MCF2L2: variants seen among roughly 807,000 people sequenced by gnomAD.
MCF2L2 encodes probable guanine nucleotide exchange factor MCF2L2.
In MCF2L2, 102 loss-of-function variants were observed where a neutral mutation model predicts 150.2. The observed-to-expected ratio is 0.68, with a 90% CI of 0.58 to 0.80. The LOEUF (loss-of-function observed/expected upper bound fraction) is 0.80. MCF2L2 is among the 30% of genes least tolerant of loss of function. MCF2L2 has a pLI of 0.00. For missense variants in MCF2L2, 1,256 were observed against 1,372.8 expected (o/e 0.91, Z 1.34); for synonymous variants, 465 against 491.3 (o/e 0.95, Z 0.71).
intron 15 of MCF2L2, among the ~76,000 whole-genome samples, chr3:183,257,396 CTG>C (rs971803796): frequency 2.0e-5 from 3 of 152,214 alleles, no homozygotes; most frequent in African/African-American, 7.2e-5. Context: ...TGAAACATCT[CTG>C]AAGTCTTTTT....
intron 15 of MCF2L2, among the ~76,000 whole-genome samples, chr3:183,262,686 T>G: frequency 7.2e-6 from 1 of 137,938 alleles, no homozygotes; most frequent in African/African-American, 2.8e-5. Flanking sequence ...CTCCTTTCTC[T>G]AGGAAGCAGA....
At position 183,394,910 on chromosome 3, in the gene MCF2L2, CA is replaced by C. The variant is rs111468384; in HGVS notation, c.77-5132del. Among the ~76,000 whole-genome samples the C allele has an allele frequency of 7.2e-3, 1,091 of 152,306 alleles. 10 individuals carry two copies. Among genetic ancestry groups the C allele is most frequent in the Non-Finnish European group, 9.3e-3 (634 of 68,034 alleles). On this transcript the variant is annotated intron_variant, in intron 1 of 29. Transcript: ENST00000328913. ...AGCATCCTCTTGGAAAGTCGTTTCT[CA>C]ATCTTTTACCTGGTGATTATTGAGC...
intron 15 of MCF2L2, among the ~76,000 whole-genome samples, chr3:183,255,366 T>C (rs1457079283): frequency 6.6e-6 from 1 of 152,250 alleles, no homozygotes; most frequent in Non-Finnish European, 1.5e-5. Flanking sequence ...AGGTGAAAGC[T>C]GCTTTTTGGG....
At chr3:183,377,089 T>C (rs888809611) in intron 3 of MCF2L2, 19 of 152,226 alleles carry the variant, frequency 1.2e-4, no homozygotes, top group Middle Eastern at 3.2e-3. Context: ...GTTTGTTACA[T>C]AGGTATACAT....
chr3:183,338,454 AAAAAAAAAAAAG>A (rs1019807077), intron 5 of MCF2L2, among the ~76,000 whole-genome samples: 2 of 151,378 alleles, frequency 1.3e-5, no homozygotes, highest in African/African-American at 4.8e-5. Flanking sequence ...TCTCAAAAAA[AAAAAAAAAAAAG>A]AAAAAGAAAA....
intron 14 of MCF2L2, among the ~76,000 whole-genome samples, chr3:183,279,141 TCA>T (rs1029691695): frequency 3.3e-5 from 5 of 151,258 alleles, no homozygotes; most frequent in African/African-American, 1.2e-4. Flanking sequence ...TGACCACAAC[TCA>T]CAAGAAGTAC....
In MCF2L2 at chr3:183,283,238, G is replaced by T. The variant is rs1338355268; in HGVS notation, c.1776+5882C>A. On this transcript the variant is annotated intron_variant, in intron 14 of 29. Coordinates refer to ENST00000328913, the MANE Select transcript of MCF2L2 (RefSeq NM_015078.4). This position sits in a 1 kb window ranked among gnomAD's most constrained non-coding sequence, Gnocchi z 4.2. ...TAGCTATTAGTAAGCTCTCACCACT[G>T]ATGTCTCAGCTGACTGTGACAACTG... 1.3e-5 allele frequency among the ~76,000 whole-genome samples: 2 copies of T among 152,156 alleles called. No homozygotes were observed. The highest frequency in any genetic ancestry group is 4.8e-5 in the African/African-American group (2 of 41,434).
chr3:183,338,677 A>G, intron 5 of MCF2L2, 123 bp downstream of exon 5: 1 of 943,948 alleles, frequency 1.1e-6, no homozygotes, highest in Non-Finnish European at 1.5e-6. Flanking sequence ...CGGTTCCCTC[A>G]GCCCAGAGAA....
intron 15 of MCF2L2, among the ~76,000 whole-genome samples, chr3:183,259,852 G>T (rs1448105585): frequency 6.6e-6 from 1 of 152,170 alleles, no homozygotes; most frequent in East Asian, 1.9e-4. Context: ...AGAAGAAGAA[G>T]GAGGGAAAAC....
At position 183,270,550 on chromosome 3, in the gene MCF2L2, A is replaced by T. The variant is rs1726667127; in HGVS notation, c.1862+6322T>A. On this transcript the variant is annotated intron_variant, in intron 15 of 29. Transcript: ENST00000328913. The surrounding 1 kb of genome is among the most constrained non-coding windows in gnomAD (Gnocchi z 4.5). ...ATGTACCAGTGGCCAGCTTACCCTGACTACACAGCCGGAGCTGCCTATGTA... is the reference window on the plus strand; with the variant it reads ...ATGTACCAGTGGCCAGCTTACCCTGTCTACACAGCCGGAGCTGCCTATGTA... 2.5e-6 allele frequency: 4 copies of T among 1,614,014 alleles called. No individual in the cohort carries two copies. The highest frequency in any genetic ancestry group is 1.7e-5 in the Admixed American group (1 of 59,994).
chr3:183,324,825 A>G (rs890812885), intron 5 of MCF2L2, among the ~76,000 whole-genome samples: 2 of 152,104 alleles, frequency 1.3e-5, no homozygotes, highest in Non-Finnish European at 2.9e-5. Context: ...GAACTACTAA[A>G]AAAAAGTGCC....
In MCF2L2 at chr3:183,283,275, T is replaced by C. The variant is rs953627433; in HGVS notation, c.1776+5845A>G. Among the ~76,000 whole-genome samples the C allele has an allele frequency of 6.6e-6, 1 of 152,164 alleles. No homozygotes were observed. The highest frequency in any genetic ancestry group is 1.5e-5 in the Non-Finnish European group (1 of 68,032). ...GACTGTGACAACTGCCAGCGGCTGG[T>C]CAGCCTGCCTGCCTTCATCTAACCT... On this transcript the variant is annotated intron_variant, in intron 14 of 29. Transcript: ENST00000328913. This position sits in a 1 kb window ranked among gnomAD's most constrained non-coding sequence, Gnocchi z 4.2.
chr3:183,325,887 C>G (rs1019446988), intron 5 of MCF2L2, among the ~76,000 whole-genome samples: 1 of 152,156 alleles, frequency 6.6e-6, no homozygotes. Flanking sequence ...AGAGTTAATA[C>G]TGTTAAGTAT....
chr3:183,256,076 C>G (rs1353418876), intron 15 of MCF2L2, among the ~76,000 whole-genome samples: 2 of 152,318 alleles, frequency 1.3e-5, no homozygotes, highest in Non-Finnish European at 2.9e-5. Flanking sequence ...AACAAAATGT[C>G]CCCTATTCAG....
intron 1 of MCF2L2, among the ~76,000 whole-genome samples, chr3:183,406,125 G>A (rs1417623863): frequency 5.9e-5 from 9 of 152,140 alleles, no homozygotes; most frequent in East Asian, 3.9e-4. Flanking sequence ...TTACTGAGTC[G>A]TATATTAAAT....
intron 15 of MCF2L2, among the ~76,000 whole-genome samples, chr3:183,263,974 G>GTCC (rs1725859021): frequency 6.6e-6 from 1 of 152,086 alleles, no homozygotes; most frequent in Non-Finnish European, 1.5e-5. Context: ...CGGCATCAGT[G>GTCC]TGAGCCCTTG....
At chr3:183,420,412 C>A (rs893069056) in intron 1 of MCF2L2, among the ~76,000 whole-genome samples, 1 of 152,036 alleles carries the variant, frequency 6.6e-6, no homozygotes, top group African/African-American at 2.4e-5. Context: ...CCAGCCTGAC[C>A]AATATGGTGA....
chr3:183,254,948 T>G (rs1440020591), intron 15 of MCF2L2, among the ~76,000 whole-genome samples: 6 of 152,228 alleles, frequency 3.9e-5, no homozygotes, highest in Non-Finnish European at 8.8e-5. Flanking sequence ...GTAACAGTTT[T>G]CAACTCGACT....
intron 15 of MCF2L2, among the ~76,000 whole-genome samples, chr3:183,245,261 AAGG>A (rs1213881448): frequency 3.9e-5 from 6 of 152,226 alleles, no homozygotes; most frequent in Non-Finnish European, 8.8e-5. Flanking sequence ...TAGAAACAGA[AAGG>A]AGAAGGGGAA....
Sources: gnomAD v4.1 joint callset for allele counts (sites outside exome capture counted in the v4.1 genomes callset) on GRCh38, gnomAD v4.1.1 for gene constraint, Gnocchi (gnomAD v3.1) non-coding constraint, MANE v1.5 for transcripts, NCBI Gene and HGNC (gene_info 2026-07-23, HGNC 2026-07-21) for gene names.